The following NAA15 variants were observed in gnomAD, a reference collection of about 807,000 sequenced individuals.
The protein encoded by NAA15 is N-alpha-acetyltransferase 15, NatA auxiliary subunit.
In NAA15, 34 loss-of-function variants were observed where a neutral mutation model predicts 114.0. The ratio of observed to expected loss-of-function variants is 0.30; its 90% CI spans 0.23 to 0.40. The LOEUF is 0.40. NAA15 is among the 10% of genes least tolerant of loss of function. NAA15 has a pLI of 1.00. For missense variants in NAA15, 658 were observed against 1,004.5 expected (o/e 0.66, Z 4.66); for synonymous variants, 340 against 338.0 (o/e 1.01, Z -0.06).
At chr4:139,321,065 A>C (rs1316539425) in intron 1 of NAA15, among the ~76,000 whole-genome samples, 1 of 151,946 alleles carries the variant, frequency 6.6e-6, no homozygotes, top group Admixed American at 6.6e-5. Context: ...TGATCTTCTC[A>C]AAGAACCAGC....
intron 14 of NAA15, among the ~76,000 whole-genome samples, chr4:139,365,801 T>C (rs1748263117): frequency 6.6e-6 from 1 of 152,110 alleles, no homozygotes; most frequent in Non-Finnish European, 1.5e-5. Flanking sequence ...CAGTGAACCA[T>C]GTTTGCCACT....
intron 1 of NAA15, among the ~76,000 whole-genome samples, chr4:139,327,330 A>G (rs1579095511): frequency 6.6e-6 from 1 of 151,858 alleles, no homozygotes; most frequent in South Asian, 2.1e-4. Context: ...GCTCACCACA[A>G]CCTCCGTTTC....
chr4:139,315,001 T>TGAGGTTAGGTTAGGTTAGG (rs1553992509), intron 1 of NAA15, among the ~76,000 whole-genome samples: 3 of 74,350 alleles, frequency 4.0e-5, no homozygotes, highest in African/African-American at 1.3e-4. Flanking sequence ...TTCAGTTCAG[T>TGAGGTTAGGTTAGGTTAGG]TTAGTTTAGG....
chr4:139,362,646 G>T (rs993852001), intron 14 of NAA15, among the ~76,000 whole-genome samples: 4 of 152,138 alleles, frequency 2.6e-5, no homozygotes, highest in African/African-American at 7.2e-5. Context: ...AATGAATATT[G>T]CTTGAACATT....
intron 1 of NAA15, among the ~76,000 whole-genome samples, chr4:139,315,041 G>T (rs550042743): frequency 0.36 from 34,726 of 95,518 alleles, 6,685 homozygotes; most frequent in African/African-American, 0.58. Flanking sequence ...GTTAGGTTAG[G>T]TTAGGTTAGG....
intron 8 of NAA15, 55 bp downstream of exon 8, chr4:139,351,341 T>C: frequency 7.4e-7 from 1 of 1,344,654 alleles, no homozygotes; most frequent in Non-Finnish European, 1.1e-6. Flanking sequence ...TAAAGTTTCT[T>C]TTCTTGGTTT....
intron 7 of NAA15, among the ~76,000 whole-genome samples, chr4:139,349,985 C>CA (rs34905298): frequency 0.27 from 39,893 of 146,406 alleles, 5,520 homozygotes; most frequent in African/African-American, 0.36. Flanking sequence ...GACTGTGTCT[C>CA]AAAAAAAAAA....
chr4:139,354,145 TA>T (rs1481803618), intron 10 of NAA15, 47 bp downstream of exon 10: 1 of 1,442,554 alleles, frequency 6.9e-7, no homozygotes, highest in Non-Finnish European at 9.7e-7. Context: ...AAAATTTTAA[TA>T]CATTGTGAAA....
At position 139,381,713 on chromosome 4, in the gene NAA15, A is replaced by G. The variant is rs531908312; in HGVS notation, c.2155+2859A>G. On this transcript the variant is annotated intron_variant, in intron 17 of 19. Transcript: ENST00000296543. Reference sequence around the variant, plus strand: ...AACATTTTTTACCCAAATTATTAACAATGCCAGCTAGCCTGAGAACCCTGT... The same window carrying G: ...AACATTTTTTACCCAAATTATTAACGATGCCAGCTAGCCTGAGAACCCTGT... 1.5e-4 allele frequency among the ~76,000 whole-genome samples: 23 copies of G among 152,284 alleles called. No individual in the cohort carries two copies. In the South Asian group the frequency reaches 4.6e-3, roughly 30 times the overall value.
At chr4:139,376,305 T>G in intron 15 of NAA15, 60 bp from the exon 16 acceptor site, 1 of 1,073,788 alleles carries the variant, frequency 9.3e-7, no homozygotes. Context: ...TTTAGTAGAA[T>G]AAAATCACAT....
chr4:139,378,966 C>CTAAT (rs1350913614), intron 17 of NAA15, 112 bp downstream of exon 17: 3 of 640,736 alleles, frequency 4.7e-6, no homozygotes, highest in Non-Finnish European at 7.8e-6. Flanking sequence ...CTGTCACATA[C>CTAAT]TAAATTAGCT....
rs1426294417 is a variant in NAA15, at chr4:139,389,398, G to C, written c.*1314G>C. 6.6e-6 allele frequency: 1 copy of C among 152,550 alleles called. No homozygotes were observed. Among genetic ancestry groups the C allele is most frequent in the Non-Finnish European group, 1.5e-5 (1 of 68,032 alleles). The allele number at this position is 152,550 out of a possible 1,614,324, so 9.4% of individuals were successfully genotyped here. A position where few individuals can be genotyped will look rare whatever the true frequency, so the allele number is the denominator to read the frequency against. On this transcript the variant is annotated 3_prime_UTR_variant, in exon 20 of 20. Coordinates refer to ENST00000296543, the MANE Select transcript of NAA15 (RefSeq NM_057175.5). ...GTGGAAACAGAGGTGCAAGCCAGAG[G>C]CAATGTAATATGCTGTAAGGCTAGT...
intron 1 of NAA15, among the ~76,000 whole-genome samples, chr4:139,329,601 A>G (rs868237797): frequency 1.1e-4 from 17 of 152,228 alleles, no homozygotes; most frequent in Middle Eastern, 3.4e-3. Context: ...ACTGAATTCT[A>G]CAGCTGTTCG....
At chr4:139,378,300 A>T (rs1003624186) in intron 16 of NAA15, among the ~76,000 whole-genome samples, 8 of 152,194 alleles carry the variant, frequency 5.3e-5, no homozygotes, top group Admixed American at 2.0e-4. Flanking sequence ...TAACCTTGGT[A>T]ACTATTCTAC....
In NAA15 at chr4:139,317,552, C is replaced by T. The variant is rs1338726930; in HGVS notation, c.54+15721C>T. On this transcript the variant is annotated intron_variant, in intron 1 of 19. Coordinates refer to ENST00000296543, the MANE Select transcript of NAA15 (RefSeq NM_057175.5). ...AGGAGAATCTCTTGAACCCGGGAGG[C>T]GGAGGTTAGAGTGAGCCCAGATCAT... Among the ~76,000 whole-genome samples the T allele has an allele frequency of 4.6e-5, 7 of 152,142 alleles. No homozygotes were observed. In the East Asian group the frequency reaches 7.7e-4, roughly 17 times the overall value.
chr4:139,358,879 G>A (rs969423116), intron 11 of NAA15, among the ~76,000 whole-genome samples: 1 of 152,056 alleles, frequency 6.6e-6, no homozygotes, highest in Non-Finnish European at 1.5e-5. Flanking sequence ...CACTTTTGGA[G>A]GCCAAAGTGG....
chr4:139,343,897 T>G (rs2110917192), intron 5 of NAA15, among the ~76,000 whole-genome samples: 1 of 152,296 alleles, frequency 6.6e-6, no homozygotes, highest in South Asian at 2.1e-4. Flanking sequence ...CTCTAGTCAT[T>G]CCTTGTAGGT....
intron 1 of NAA15, among the ~76,000 whole-genome samples, chr4:139,333,886 G>C (rs565915429): frequency 6.6e-6 from 1 of 152,112 alleles, no homozygotes; most frequent in African/African-American, 2.4e-5. Flanking sequence ...GTGACAGAGT[G>C]AGTCTCAGTC....
rs1192724356 is a variant in NAA15 at position 139,310,804 on chromosome 4, A to T, written c.54+8973A>T. 4.6e-5 allele frequency among the ~76,000 whole-genome samples: 7 copies of T among 151,790 alleles called. No individual in the cohort carries two copies. The East Asian group carries it at 9.8e-4, about 21-fold the overall frequency. On this transcript the variant is annotated intron_variant, in intron 1 of 19. Transcript: ENST00000296543. ...TGGCTAATTTTTGTATTTTTAGTAC[A>T]GGCGGGGTTTCACCATGTTGGCCAG... is the stretch of plus-strand genomic sequence containing the variant.
Sources: allele counts gnomAD v4.1 joint callset (sites outside exome capture counted in the v4.1 genomes callset), GRCh38; gene constraint gnomAD v4.1.1; transcripts MANE v1.5; gene names NCBI Gene and HGNC (gene_info 2026-07-23, HGNC 2026-07-21).